Variants in TSBP1 observed in about 807,000 individuals in gnomAD.
The protein encoded by TSBP1 is testis expressed basic protein 1.
In TSBP1, 56 loss-of-function variants were observed where a neutral mutation model predicts 68.8. The observed-to-expected ratio is 0.81, with a 90% confidence interval of 0.66 to 1.02. The LOEUF (loss-of-function observed/expected upper bound fraction) is 1.02, where lower values mean the gene tolerates loss of function less well. Among genes scored for constraint, TSBP1 ranks in the 50% least tolerant of loss-of-function variants. TSBP1 has a pLI of 0.00. For synonymous variants in TSBP1, 171 were observed against 208.7 expected, an observed-to-expected ratio of 0.82 and a Z score of 1.56; for missense variants, 502 against 641.2, an observed-to-expected ratio of 0.78 and a Z score of 2.34.
At chr6:32,322,870 ATCTC>A (rs893930555) in intron 18 of TSBP1, among the ~76,000 whole-genome samples, 3 of 151,706 alleles carry the variant, frequency 2.0e-5, no homozygotes, top group Non-Finnish European at 2.9e-5. Flanking sequence ...TTTGGATTTC[ATCTC>A]TCTCTCTCTT....
intron 18 of TSBP1, 99 bp from the exon 20 acceptor site, chr6:32,322,605 TG>T: frequency 1.1e-6 from 1 of 876,080 alleles, no homozygotes; most frequent in Non-Finnish European, 1.9e-6. Flanking sequence ...GGGGAGGACT[TG>T]GGTGGGCAGT....
rs1321476726 is a variant in TSBP1 at position 32,343,045 on chromosome 6, GA to G, written c.350-3408del. ...AGGTGGGAGGTCTCATTGTCTTAGAGAGGGGGAAATGTGAGAAAGGTGGGCA... is the reference window on the plus strand; with the variant it reads ...AGGTGGGAGGTCTCATTGTCTTAGAGGGGGGAAATGTGAGAAAGGTGGGCA... On this transcript the variant is annotated intron_variant, in intron 9 of 22. Coordinates refer to ENST00000612031, the Ensembl canonical transcript of TSBP1. The surrounding 1 kb of genome is among the most constrained non-coding windows in gnomAD (Gnocchi z 4.3). Among the ~76,000 whole-genome samples, 1 of 152,180 alleles carries G rather than the reference GA, an allele frequency of 6.6e-6. No individual in the cohort carries two copies. Among genetic ancestry groups the G allele is most frequent in the East Asian group, 1.9e-4 (1 of 5,198 alleles).
intron 8 of TSBP1, among the ~76,000 whole-genome samples, chr6:32,354,451 A>G (rs1359597941): frequency 2.6e-5 from 4 of 152,226 alleles, no homozygotes; most frequent in Admixed American, 6.5e-5. Flanking sequence ...AATTGGAAAT[A>G]TTTATTTATT....
chr6:32,323,489 C>T, intron 17 of TSBP1, 102 bp downstream of exon 18: 7 of 1,075,958 alleles, frequency 6.5e-6, no homozygotes, highest in Non-Finnish European at 9.8e-6. Flanking sequence ...CAGGTAGCTG[C>T]ACACAGAGTT....
chr6:32,293,073 TCTTTC>T lies in TSBP1; in HGVS notation c.1595_1599del (p.Gly532GlufsTer8). 1 of 1,612,204 alleles carries T rather than the reference TCTTTC, an allele frequency of 6.2e-7. No homozygotes were observed. The highest frequency in any genetic ancestry group is 8.5e-7 in the Non-Finnish European group (1 of 1,179,376). Reference sequence around the variant, plus strand: ...TTTTCACCATTGATTTCTGATTCTCTCTTTCCTTTAACTTTGTCCTTTCCTTTGTC... The same window carrying T: ...TTTTCACCATTGATTTCTGATTCTCTCTTTAACTTTGTCCTTTCCTTTGTC... On this transcript the variant is annotated frameshift_variant, in exon 23 of 23. Transcript: ENST00000612031. LOFTEE classifies it low-confidence loss of function (END_TRUNC).
Position 32,343,418 on chromosome 6 carries a change from G to A in TSBP1, c.350-3780C>T, listed in dbSNP as rs1443609711. Among the ~76,000 whole-genome samples, 4 of 152,150 alleles carry A rather than the reference G, an allele frequency of 2.6e-5. No individual in the cohort carries two copies. The highest frequency in any genetic ancestry group is 5.9e-5 in the Non-Finnish European group (4 of 68,030). On this transcript the variant is annotated intron_variant, in intron 9 of 22. Coordinates refer to ENST00000612031, the Ensembl canonical transcript of TSBP1. The surrounding 1 kb of genome is among the most constrained non-coding windows in gnomAD (Gnocchi z 4.3). Reference sequence around the variant, plus strand: ...TGGCCACACTTGCAAGTGATCCCATGTCTTTTCCCCCTTAGACACTATGCA... The same window carrying A: ...TGGCCACACTTGCAAGTGATCCCATATCTTTTCCCCCTTAGACACTATGCA...
At chr6:32,311,567 G>A (rs762823413) in intron 19 of TSBP1, among the ~76,000 whole-genome samples, 6 of 152,106 alleles carry the variant, frequency 3.9e-5, no homozygotes, top group Non-Finnish European at 5.9e-5. Flanking sequence ...GCTGCTCGCC[G>A]GCCTTGACAT....
chr6:32,339,790 G>T, intron 9 of TSBP1, 152 bp from the exon 11 acceptor site: 1 of 475,176 alleles, frequency 2.1e-6, no homozygotes, highest in East Asian at 3.2e-5. Flanking sequence ...CTATTCTCTA[G>T]CTCTGTGATT....
At chr6:32,358,743 C>T (rs1772638261) in intron 6 of TSBP1, among the ~76,000 whole-genome samples, 1 of 152,010 alleles carries the variant, frequency 6.6e-6, no homozygotes, top group Non-Finnish European at 1.5e-5. Context: ...AGGACACGAA[C>T]TCATCCTTTT....
At chr6:32,296,723 A>G (rs943593425) in intron 22 of TSBP1, among the ~76,000 whole-genome samples, 3 of 152,146 alleles carry the variant, frequency 2.0e-5, no homozygotes, top group African/African-American at 4.8e-5. Flanking sequence ...TTTTAGTTTT[A>G]CTATCCCTTG....
At chr6:32,362,315 C>T (rs9268325) in intron 6 of TSBP1, among the ~76,000 whole-genome samples, 42,038 of 138,686 alleles carry the variant, frequency 0.3, 7,082 homozygotes, top group African/African-American at 0.45. Context: ...AGAAGAGGAA[C>T]GACCTAAGCA....
chr6:32,323,412 A>C (rs1210674023), intron 17 of TSBP1, 179 bp downstream of exon 18: 1 of 726,314 alleles, frequency 1.4e-6, no homozygotes, highest in South Asian at 1.5e-5. Context: ...GAAATTATGT[A>C]AATATAACTT....
At chr6:32,324,527 A>T in intron 16 of TSBP1, 1 of 1,196,822 alleles carries the variant, frequency 8.4e-7, no homozygotes. Context: ...AGAGGTTTTG[A>T]TAATGAGACA....
chr6:32,370,025 A>G (rs1266080689), intron 1 of TSBP1, 42 bp from the exon 2 acceptor site: 3 of 1,317,570 alleles, frequency 2.3e-6, no homozygotes, highest in Middle Eastern at 3.6e-4. Flanking sequence ...TATTTAGACC[A>G]GGAAATTACC....
At chr6:32,346,908 C>G (rs1475998706) in intron 9 of TSBP1, among the ~76,000 whole-genome samples, 1 of 152,128 alleles carries the variant, frequency 6.6e-6, no homozygotes, top group Non-Finnish European at 1.5e-5. Context: ...GGGAGGAATA[C>G]TTTCAGGAGA....
intron 2 of TSBP1, 50 bp from the exon 3 acceptor site, chr6:32,368,864 T>C: frequency 6.4e-7 from 1 of 1,563,378 alleles, no homozygotes; most frequent in Non-Finnish European, 8.7e-7. Context: ...AGGAGAAGTG[T>C]TCTTCCTCTG....
chr6:32,309,258 C>T (rs1766121671), intron 19 of TSBP1, among the ~76,000 whole-genome samples: 1 of 151,940 alleles, frequency 6.6e-6, no homozygotes, highest in African/African-American at 2.4e-5. Context: ...CCTCTTTCTG[C>T]TTTTCCTTCT....
At chr6:32,308,040 G>T (rs939941625) in intron 19 of TSBP1, among the ~76,000 whole-genome samples, 1 of 151,894 alleles carries the variant, frequency 6.6e-6, no homozygotes, top group Admixed American at 6.6e-5. Flanking sequence ...CTCCCAAAGC[G>T]CTGGAATTAC....
intron 17 of TSBP1, 97 bp from the exon 19 acceptor site, chr6:32,323,234 T>A (rs1414344107): frequency 2.6e-6 from 2 of 776,294 alleles, no homozygotes; most frequent in African/African-American, 3.5e-5. Flanking sequence ...TTGGACACCT[T>A]TCTGGGTCTA....
Sources: allele counts gnomAD v4.1 joint callset (sites outside exome capture counted in the v4.1 genomes callset), GRCh38; gene constraint gnomAD v4.1.1; non-coding constraint Gnocchi (gnomAD v3.1); transcripts MANE v1.5; gene names NCBI Gene and HGNC (gene_info 2026-07-23, HGNC 2026-07-21).